Variants in ZNF83 observed in about 807,000 individuals in gnomAD.
ZNF83 encodes zinc finger protein 816B.
For synonymous variants in ZNF83, 209 were observed against 213.0 expected (o/e 0.98, Z 0.17); for missense variants, 552 against 629.9 (o/e 0.88, Z 1.32).
At chr19:52,625,886 G>T (rs972217489) in intron 2 of ZNF83, among the ~76,000 whole-genome samples, 4 of 152,142 alleles carry the variant, frequency 2.6e-5, no homozygotes, top group Admixed American at 2.0e-4. Context: ...GCCCTAGCTG[G>T]ATCCCTGAGT....
intron 3 of ZNF83, among the ~76,000 whole-genome samples, chr19:52,645,451 T>C (rs1456273190): frequency 1.3e-5 from 2 of 152,194 alleles, no homozygotes; most frequent in African/African-American, 4.8e-5. Context: ...GAGCTGATTA[T>C]AGGATGCAAC....
chr19:52,618,784 A>G, intron 2 of ZNF83: 1 of 1,294,030 alleles, frequency 7.7e-7, no homozygotes. Flanking sequence ...GGGGACAGTG[A>G]AAGTCCAGAT....
intron 1 of ZNF83, among the ~76,000 whole-genome samples, chr19:52,672,927 T>C (rs1260219466): frequency 6.6e-6 from 1 of 151,952 alleles, no homozygotes; most frequent in African/African-American, 2.4e-5. Flanking sequence ...TGATAATGGG[T>C]ACAAAAAATA....
At chr19:52,654,106 T>C in intron 3 of ZNF83, 1 of 1,605,064 alleles carries the variant, frequency 6.2e-7, no homozygotes, top group Non-Finnish European at 8.5e-7. Flanking sequence ...TTCAGGCAGA[T>C]GTGAATAAAA....
intron 1 of ZNF83, among the ~76,000 whole-genome samples, chr19:52,667,540 G>T (rs1016623287): frequency 6.6e-6 from 1 of 152,086 alleles, no homozygotes; most frequent in Non-Finnish European, 1.5e-5. Flanking sequence ...ATTATAGGGA[G>T]GCAGAAGAAT....
chr19:52,663,550 T>C (rs558125384), intron 1 of ZNF83, among the ~76,000 whole-genome samples: 1 of 152,192 alleles, frequency 6.6e-6, no homozygotes, highest in South Asian at 2.1e-4. Context: ...GGAAAGAAAA[T>C]GGAGTAATAG....
intron 1 of ZNF83, among the ~76,000 whole-genome samples, chr19:52,664,521 C>A (rs1376494344): frequency 6.6e-6 from 1 of 152,040 alleles, no homozygotes; most frequent in African/African-American, 2.4e-5. Flanking sequence ...GAAGAAGGAA[C>A]CACTGGGTCC....
At chr19:52,656,962 G>A (rs1018767704) in intron 2 of ZNF83, among the ~76,000 whole-genome samples, 1 of 151,886 alleles carries the variant, frequency 6.6e-6, no homozygotes, top group Non-Finnish European at 1.5e-5. Flanking sequence ...AACTTCAGTC[G>A]GGACATTATA....
At chr19:52,646,590 G>A (rs1401249885) in intron 3 of ZNF83, among the ~76,000 whole-genome samples, 3 of 152,088 alleles carry the variant, frequency 2.0e-5, no homozygotes, top group Non-Finnish European at 2.9e-5. Context: ...AAGTATTATT[G>A]AGGCAGAAAT....
chr19:52,681,346 A>G (rs1388229523), intron 1 of ZNF83, among the ~76,000 whole-genome samples: 1 of 151,462 alleles, frequency 6.6e-6, no homozygotes, highest in Non-Finnish European at 1.5e-5. Flanking sequence ...TGTTCAACAT[A>G]ACAGGTGATA....
intron 2 of ZNF83, among the ~76,000 whole-genome samples, chr19:52,630,293 T>C (rs1444453591): frequency 6.6e-6 from 1 of 152,118 alleles, no homozygotes. Context: ...CCATCACAGA[T>C]GCTCTAAGTA....
chr19:52,653,004 CTGATGT>C lies in ZNF83; in HGVS notation c.-74+2551_-74+2556del, dbSNP rs2061462737. 17 of 1,387,584 alleles carry C rather than the reference CTGATGT, an allele frequency of 1.2e-5. No individual in the cohort carries two copies. In the East Asian group the frequency reaches 4.0e-4, roughly 33 times the overall value. 86.0% of individuals were successfully genotyped at this position (1,387,584 alleles called of 1,614,324 possible). ...AAGGTTTCTCTCCAGTATGAACTCT[CTGATGT>C]TGTGCAAGGTTTGACTGTTGATTAA... On this transcript the variant is annotated intron_variant, in intron 3 of 5. Transcript: ENST00000594682.
intron 1 of ZNF83, among the ~76,000 whole-genome samples, chr19:52,662,556 A>G (rs747823474): frequency 5.3e-5 from 8 of 152,180 alleles, no homozygotes; most frequent in Non-Finnish European, 2.9e-5. Context: ...CCATTCTGGT[A>G]CTTGTGTTTT....
chr19:52,620,216 ATGTG>A (rs1297397385), intron 2 of ZNF83, among the ~76,000 whole-genome samples: 39 of 137,294 alleles, frequency 2.8e-4, no homozygotes, highest in African/African-American at 9.6e-4. Context: ...ATATATACGT[ATGTG>A]TGTATGTGTA....
At chr19:52,614,842 G>T in intron 2 of ZNF83, 45 bp from the exon 3 acceptor site, 1 of 1,244,736 alleles carries the variant, frequency 8.0e-7, no homozygotes. Flanking sequence ...ATTACAGATA[G>T]TCAATAAATA....
chr19:52,684,324 C>T (rs2061977299), intron 1 of ZNF83, among the ~76,000 whole-genome samples: 1 of 151,902 alleles, frequency 6.6e-6, no homozygotes. Context: ...CGAGATCACA[C>T]CACTACACTC....
chr19:52,677,236 A>T (rs1289986753), intron 1 of ZNF83, among the ~76,000 whole-genome samples: 3 of 150,264 alleles, frequency 2.0e-5, no homozygotes, highest in Non-Finnish European at 3.0e-5. Flanking sequence ...ACAAAGCATG[A>T]GTGAGACTGG....
upstream of ZNF83, among the ~76,000 whole-genome samples, chr19:52,638,759 A>T (rs143278640): frequency 8.5e-5 from 13 of 152,204 alleles, no homozygotes; most frequent in East Asian, 2.5e-3. Context: ...AGCTTTAGAG[A>T]CTCAGGCCAC....
chr19:52,676,476 C>G (rs1443452221), intron 1 of ZNF83, among the ~76,000 whole-genome samples: 1 of 151,902 alleles, frequency 6.6e-6, no homozygotes, highest in African/African-American at 2.4e-5. Flanking sequence ...CCCGGCCCGG[C>G]TAGCCTCCCC....
Sources: allele counts gnomAD v4.1 joint callset (sites outside exome capture counted in the v4.1 genomes callset), GRCh38; gene constraint gnomAD v4.1.1; transcripts MANE v1.5; gene names NCBI Gene and HGNC (gene_info 2026-07-23, HGNC 2026-07-21).